RNF150: variants seen among roughly 807,000 people sequenced by gnomAD.
The protein encoded by RNF150 is ring finger protein 150.
RNF150 carries 24 observed loss-of-function variants against 39.3 expected under a neutral mutation model. The ratio of observed to expected loss-of-function variants is 0.61; its 90% CI spans 0.44 to 0.86. RNF150 has a LOEUF of 0.86. Ranked by LOEUF, RNF150 falls within the 40% of genes least tolerant of loss-of-function variation. The pLI is 0.00. For missense variants in RNF150, 502 were observed against 587.8 expected (o/e 0.85, Z 1.51); for synonymous variants, 255 against 227.3 (o/e 1.12, Z -1.10).
intron 1 of RNF150, among the ~76,000 whole-genome samples, chr4:140,970,001 T>C (rs987589617): frequency 1.3e-5 from 2 of 152,132 alleles, no homozygotes; most frequent in African/African-American, 4.8e-5. Flanking sequence ...TGACCTCAAC[T>C]GATCCACCTG....
chr4:140,869,288 T>G (rs1281423720), intron 6 of RNF150, among the ~76,000 whole-genome samples: 2 of 152,232 alleles, frequency 1.3e-5, no homozygotes, highest in East Asian at 1.9e-4. Context: ...AACAGAAATA[T>G]TTAAAGCTTT....
intron 1 of RNF150, among the ~76,000 whole-genome samples, chr4:141,044,798 C>CACA (rs55764233): frequency 2.8e-4 from 40 of 143,160 alleles, no homozygotes; most frequent in South Asian, 4.5e-4. Context: ...CACACACACA[C>CACA]AATTCATGTG....
chr4:141,092,315 C>G (rs569268019), intron 1 of RNF150, among the ~76,000 whole-genome samples: 1 of 151,356 alleles, frequency 6.6e-6, no homozygotes, highest in Admixed American at 6.6e-5. Flanking sequence ...TGCACTCCAG[C>G]CTGGGCAACA....
intron 1 of RNF150, among the ~76,000 whole-genome samples, chr4:141,096,767 C>T (rs958430625): frequency 6.6e-6 from 1 of 152,118 alleles, no homozygotes; most frequent in Non-Finnish European, 1.5e-5. Context: ...TTTACAAAAC[C>T]ACATATTCCG....
At chr4:140,885,814 G>A (rs1729550048) in intron 6 of RNF150, among the ~76,000 whole-genome samples, 1 of 152,080 alleles carries the variant, frequency 6.6e-6, no homozygotes, top group South Asian at 2.1e-4. Flanking sequence ...ATGTTGGCCA[G>A]GCTGGTCTCA....
chr4:140,911,362 G>T lies in RNF150; in HGVS notation c.988-8C>A, dbSNP rs1730597649. ...CATGCAGTCGGCATTGGGCTGATGG[G>T]GCAGAAAAAGATCTGTTCTCAGTAC... On this transcript the variant is annotated splice_region_variant and splice_polypyrimidine_tract_variant and intron_variant, in intron 5 of 6. Transcript: ENST00000515673. 4.3e-6 allele frequency: 7 copies of T among 1,612,822 alleles called. No homozygotes were observed. The African/African-American group carries it at 8.0e-5, about 18-fold the overall frequency.
At chr4:141,078,186 A>G (rs1737970292) in intron 1 of RNF150, among the ~76,000 whole-genome samples, 1 of 152,208 alleles carries the variant, frequency 6.6e-6, no homozygotes, top group East Asian at 1.9e-4. Flanking sequence ...AGTGCAACCA[A>G]GAGATGCCTG....
chr4:140,891,395 A>T (rs1729748300), intron 6 of RNF150, among the ~76,000 whole-genome samples: 1 of 152,176 alleles, frequency 6.6e-6, no homozygotes, highest in Non-Finnish European at 1.5e-5. Context: ...ACGGTGCTCC[A>T]TGAAGTCATA....
At chr4:141,008,492 C>G (rs1297222527) in intron 1 of RNF150, among the ~76,000 whole-genome samples, 1 of 151,986 alleles carries the variant, frequency 6.6e-6, no homozygotes, top group Non-Finnish European at 1.5e-5. Context: ...TTTGTTTATC[C>G]TAAGGTTACA....
In RNF150 at chr4:141,132,983, G is replaced by T; in HGVS notation, c.-175C>A. 1 of 563,232 alleles carries T rather than the reference G, an allele frequency of 1.8e-6. No homozygotes were observed. The highest frequency in any genetic ancestry group is 3.0e-6 in the Non-Finnish European group (1 of 327,896). 34.9% of individuals were successfully genotyped at this position (563,232 alleles called of 1,614,324 possible). On this transcript the variant is annotated 5_prime_UTR_variant, in exon 1 of 7. Coordinates refer to ENST00000515673, the MANE Select transcript of RNF150 (RefSeq NM_020724.2). The surrounding 1 kb of genome is among the most constrained non-coding windows in gnomAD (Gnocchi z 4.9). ...CGCGGGGACCGGATTCCGGGCGAGC[G>T]GATGGCGCTGGCCCCTTCCCCTCTC...
At chr4:140,983,968 T>C (rs1271604912) in intron 1 of RNF150, among the ~76,000 whole-genome samples, 1 of 151,964 alleles carries the variant, frequency 6.6e-6, no homozygotes, top group Non-Finnish European at 1.5e-5. Flanking sequence ...CTGAGGTCCT[T>C]GCCTCAAGTG....
intron 5 of RNF150, among the ~76,000 whole-genome samples, chr4:140,916,832 A>C (rs1730853826): frequency 6.6e-6 from 1 of 152,228 alleles, no homozygotes. Context: ...CATCAGACTA[A>C]CAGCTGATCT....
At chr4:140,887,114 G>T (rs969491322) in intron 6 of RNF150, among the ~76,000 whole-genome samples, 1 of 152,182 alleles carries the variant, frequency 6.6e-6, no homozygotes, top group Non-Finnish European at 1.5e-5. Flanking sequence ...GTATTAGAAA[G>T]ATAGGTGGTA....
At chr4:140,989,045 T>C (rs1323812118) in intron 1 of RNF150, among the ~76,000 whole-genome samples, 2 of 152,138 alleles carry the variant, frequency 1.3e-5, no homozygotes, top group African/African-American at 2.4e-5. Flanking sequence ...TTGAAGCATT[T>C]TGGTTGCCCC....
At chr4:141,086,456 T>G (rs761465176) in intron 1 of RNF150, among the ~76,000 whole-genome samples, 13 of 152,112 alleles carry the variant, frequency 8.5e-5, no homozygotes, top group Non-Finnish European at 1.6e-4. Context: ...TAATTTGAAT[T>G]TTGTTCAGTA....
At position 141,020,840 on chromosome 4, in the gene RNF150, C is replaced by A. The variant is rs141964078; in HGVS notation, c.485-52967G>T. Among the ~76,000 whole-genome samples, 467 of 152,172 alleles carry A rather than the reference C, an allele frequency of 3.1e-3. 1 individual carries two copies. The highest frequency in any genetic ancestry group is 5.5e-3 in the Non-Finnish European group (371 of 68,004). ...ATCCACAGAGGGTTGAGGATGAGAT[C>A]CTGGCTAACTAGACCCATTGCATTG... is the stretch of plus-strand genomic sequence containing the variant. On this transcript the variant is annotated intron_variant, in intron 1 of 6. Transcript: ENST00000515673.
chr4:141,064,361 C>T lies in RNF150; in HGVS notation c.484+67964G>A, dbSNP rs1362270810. Among the ~76,000 whole-genome samples the T allele has an allele frequency of 2.0e-5, 3 of 152,288 alleles. No individual in the cohort carries two copies. The East Asian group carries it at 5.8e-4, about 29-fold the overall frequency. ...CCATTATTGTCTGTGTATGTTTCCG[C>T]TTTGGCCTATAGTTTGTAAATATTA... On this transcript the variant is annotated intron_variant, in intron 1 of 6. Transcript: ENST00000515673.
intron 1 of RNF150, among the ~76,000 whole-genome samples, chr4:141,092,342 A>AT (rs1738615088): frequency 8.6e-6 from 1 of 116,708 alleles, no homozygotes; most frequent in Non-Finnish European, 1.8e-5. Flanking sequence ...GACTCCCTGT[A>AT]CAAAAAAAAA....
At chr4:141,177,054 G>GAAAAA (rs5862514) in intron 1 of RNF150, among the ~76,000 whole-genome samples, 2 of 111,674 alleles carry the variant, frequency 1.8e-5, no homozygotes, top group African/African-American at 3.3e-5. Flanking sequence ...TGTCTCCTAG[G>GAAAAA]AAAAAAAAAA....
Sources: gnomAD v4.1 joint callset for allele counts (sites outside exome capture counted in the v4.1 genomes callset) on GRCh38, gnomAD v4.1.1 for gene constraint, Gnocchi (gnomAD v3.1) non-coding constraint, MANE v1.5 for transcripts, NCBI Gene and HGNC (gene_info 2026-07-23, HGNC 2026-07-21) for gene names.